PAX9: variants seen among roughly 807,000 people sequenced by gnomAD.
PAX9 encodes paired box protein Pax-9.
Under a neutral mutation model 29.1 loss-of-function variants are expected in PAX9, and 6 were observed. The ratio of observed to expected loss-of-function variants is 0.21; its 90% CI spans 0.11 to 0.41. PAX9 has a LOEUF of 0.41. Among genes scored for constraint, PAX9 ranks in the 10% least tolerant of loss-of-function variants. PAX9 has a pLI of 1.00. For missense variants in PAX9, 443 were observed against 479.1 expected (o/e 0.92, Z 0.70); for synonymous variants, 217 against 211.7 (o/e 1.03, Z -0.22).
chr14:36,669,096 A>C (rs1881614171), intron 3 of PAX9, among the ~76,000 whole-genome samples: 1 of 152,200 alleles, frequency 6.6e-6, no homozygotes, highest in African/African-American at 2.4e-5. Context: ...AAAGTTTCTA[A>C]GAATAATATA....
Position 36,661,954 on chromosome 14 carries a change from C to T in PAX9, c.-136C>T, listed in dbSNP as rs1319702852. ...CTTTTACTTCTTCCTTTTGCCCTCT[C>T]GCCTCCTCCTCCTGGGAAGAAGCGG... On this transcript the variant is annotated 5_prime_UTR_variant, in exon 1 of 4. Transcript: ENST00000361487. 5.8e-6 allele frequency: 6 copies of T among 1,043,192 alleles called. No individual in the cohort carries two copies. The highest frequency in any genetic ancestry group is 4.0e-5 in the Admixed American group (2 of 50,004). The allele number at this position is 1,043,192 out of a possible 1,614,324, so 64.6% of individuals were successfully genotyped here. A position where few individuals can be genotyped will look rare whatever the true frequency, so the allele number is the denominator to read the frequency against.
In PAX9 at chr14:36,678,766, T is replaced by G. The variant is rs1430857987; in HGVS notation, c.*2314T>G. On this transcript the variant is annotated 3_prime_UTR_variant, in exon 4 of 4. Transcript: ENST00000361487. ...ATAATTTTTTTCTGGTTCTTGTATT[T>G]TAAAAAATCTAATATTAATGGTATT... The G allele has an allele frequency of 4.3e-5, 47 of 1,092,040 alleles. No homozygotes were observed. Among genetic ancestry groups the G allele is most frequent in the Non-Finnish European group, 4.9e-5 (44 of 890,700 alleles). The allele number at this position is 1,092,040 out of a possible 1,614,324, so 67.6% of individuals were successfully genotyped here. A position where few individuals can be genotyped will look rare whatever the true frequency, so the allele number is the denominator to read the frequency against.
upstream of PAX9, among the ~76,000 whole-genome samples, chr14:36,658,392 C>T (rs1291474936): frequency 6.6e-6 from 1 of 150,486 alleles, no homozygotes; most frequent in African/African-American, 2.5e-5. Flanking sequence ...GGGGTCCTGT[C>T]CCCAGCAGGG....
In PAX9 at chr14:36,666,570, G is replaced by A. The variant is rs1881500861; in HGVS notation, c.740G>A (p.Gly247Glu). 6.4e-7 allele frequency: 1 copy of A among 1,574,704 alleles called. No individual in the cohort carries two copies. The highest frequency in any genetic ancestry group is 8.6e-7 in the Non-Finnish European group (1 of 1,159,906). ...CACGCGGTGAACGGGTTGGAGAAGGGAGCCCTGGAGCAGGAAGCCAAGTAC... is the reference window on the plus strand; with the variant it reads ...CACGCGGTGAACGGGTTGGAGAAGGAAGCCCTGGAGCAGGAAGCCAAGTAC... ...APHAVNGLEK[G>E]ALEQEAKYGQ... Residue 247 changes from glycine (G) to glutamate (E), a missense_variant, in exon 3 of 4, where the codon GGA becomes GAA. By Grantham distance (98) the Gly-to-Glu change is moderately conservative. This residue lies in a region of PAX9 where 336 missense variants were observed against 317.2 expected (regional missense o/e 1.06). Coordinates refer to ENST00000361487, the MANE Select transcript of PAX9 (RefSeq NM_001372076.1).
At chr14:36,664,912 G>C (rs1052524288) in intron 2 of PAX9, among the ~76,000 whole-genome samples, 1 of 152,092 alleles carries the variant, frequency 6.6e-6, no homozygotes, top group Non-Finnish European at 1.5e-5. Context: ...GAGAGAGTTT[G>C]CCCTTGATTT....
chr14:36,666,671 A>G, intron 3 of PAX9, 70 bp downstream of exon 3: 1 of 1,528,516 alleles, frequency 6.5e-7, no homozygotes, highest in Non-Finnish European at 8.9e-7. Flanking sequence ...ACACTTTGTG[A>G]TGGGTCCCTT....
chr14:36,662,870 C>T (rs765341982), intron 1 of PAX9, 27 bp from the exon 2 acceptor site: 1 of 1,598,576 alleles, frequency 6.3e-7, no homozygotes, highest in Non-Finnish European at 8.5e-7. Context: ...GGTGCGCGTC[C>T]CTGCGCGCTG....
At chr14:36,662,811 C>A in intron 1 of PAX9, 86 bp from the exon 2 acceptor site, 1 of 1,521,594 alleles carries the variant, frequency 6.6e-7, no homozygotes, top group Admixed American at 1.7e-5. Flanking sequence ...TTCGCCCAGT[C>A]CCCGGATGCG....
Position 36,676,529 on chromosome 14 carries a change from A to G in PAX9, c.*77A>G. ...TCCTCCCCCAATTCCCAGGTCTCACATCCCACCCCTCCTGCCCTCCAACCC... is the reference window on the plus strand; with the variant it reads ...TCCTCCCCCAATTCCCAGGTCTCACGTCCCACCCCTCCTGCCCTCCAACCC... On this transcript the variant is annotated 3_prime_UTR_variant, in exon 4 of 4. Coordinates refer to ENST00000361487, the MANE Select transcript of PAX9 (RefSeq NM_001372076.1). 1 of 1,538,098 alleles carries G rather than the reference A, an allele frequency of 6.5e-7. No homozygotes were observed. The highest frequency in any genetic ancestry group is 8.9e-7 in the Non-Finnish European group (1 of 1,129,584).
Position 36,679,322 on chromosome 14 carries a change from T to TTA in PAX9, c.*2873_*2874dup, listed in dbSNP as rs1882078641. 1.0e-6 allele frequency: 1 copy of TTA among 971,972 alleles called. No individual in the cohort carries two copies. The highest frequency in any genetic ancestry group is 1.8e-5 in the African/African-American group (1 of 56,880). The allele number at this position is 971,972 out of a possible 1,614,324, so 60.2% of individuals were successfully genotyped here. On this transcript the variant is annotated 3_prime_UTR_variant, in exon 4 of 4. Coordinates refer to ENST00000361487, the MANE Select transcript of PAX9 (RefSeq NM_001372076.1). ...ACAGTATGTCAAAAGCCTTTTATTT[T>TTA]TATACTTCAAATGCTCTAAATTAAT...
At chr14:36,674,550 G>A (rs1163324995) in intron 3 of PAX9, among the ~76,000 whole-genome samples, 1 of 152,096 alleles carries the variant, frequency 6.6e-6, no homozygotes, top group Non-Finnish European at 1.5e-5. Flanking sequence ...TCATTCTCTG[G>A]GACCCTTAAA....
At chr14:36,668,323 A>G (rs780425353) in intron 3 of PAX9, among the ~76,000 whole-genome samples, 7 of 152,114 alleles carry the variant, frequency 4.6e-5, no homozygotes, top group South Asian at 2.1e-4. Context: ...TAATTCCCAC[A>G]TGTCATTGAT....
rs190459237 is a variant in PAX9 at position 36,672,392 on chromosome 14, T to C, written c.772-3806T>C. Among the ~76,000 whole-genome samples, 343 of 152,334 alleles carry C rather than the reference T, an allele frequency of 2.3e-3. 1 individual carries two copies. The highest frequency in any genetic ancestry group is 4.1e-3 in the Non-Finnish European group (277 of 68,022). On this transcript the variant is annotated intron_variant, in intron 3 of 3. Coordinates refer to ENST00000361487, the MANE Select transcript of PAX9 (RefSeq NM_001372076.1). The stretch of plus-strand genomic sequence containing the variant: ...ACGTTTAAGTCATGTACTCTTTTAC[T>C]GGAAAGAATAAACAAACATCAATGC...
Position 36,676,290 on chromosome 14 carries a change from C to G in PAX9, c.864C>G (p.Thr288=). 6.2e-7 allele frequency: 1 copy of G among 1,614,214 alleles called. No homozygotes were observed. The highest frequency in any genetic ancestry group is 8.5e-7 in the Non-Finnish European group (1 of 1,180,042). ...PTPAQVSPYM[T]YSAAPSGYVA... ...CAGCCCAAGTGTCGCCTTACATGAC[C>G]TACAGTGCTGCTCCTTCTGGTTATG... Residue 288 remains threonine (T), a synonymous_variant, in exon 4 of 4, where the codon ACC becomes ACG. Transcript: ENST00000361487.
intron 3 of PAX9, among the ~76,000 whole-genome samples, chr14:36,674,419 A>G (rs1881807652): frequency 1.3e-5 from 2 of 152,200 alleles, no homozygotes; most frequent in Admixed American, 1.3e-4. Context: ...TGGCTTGCCA[A>G]TTGGTTGAGG....
intron 3 of PAX9, chr14:36,671,116 G>A: frequency 2.4e-6 from 1 of 409,128 alleles, no homozygotes; most frequent in Non-Finnish European, 4.8e-6. Context: ...TCTATTTGTG[G>A]CTAAATCTAC....
intron 1 of PAX9, 140 bp downstream of exon 1, chr14:36,662,233 C>G (rs974392700): frequency 3.9e-6 from 4 of 1,014,178 alleles, no homozygotes; most frequent in Non-Finnish European, 5.6e-6. Context: ...CGTGTTCCTA[C>G]AAGTTGTAGG....
chr14:36,674,889 A>G (rs1237512333), intron 3 of PAX9, among the ~76,000 whole-genome samples: 3 of 152,202 alleles, frequency 2.0e-5, no homozygotes, highest in Non-Finnish European at 4.4e-5. Context: ...CCACGTATGT[A>G]TTCTATTCCA....
chr14:36,661,071 A>G (rs896899810), upstream of PAX9, among the ~76,000 whole-genome samples: 2 of 152,242 alleles, frequency 1.3e-5, no homozygotes, highest in Non-Finnish European at 2.9e-5. Context: ...CAGTGGCTGA[A>G]TGTGGCAGAG....
Sources: allele counts gnomAD v4.1 joint callset (sites outside exome capture counted in the v4.1 genomes callset), GRCh38; gene constraint gnomAD v4.1.1; regional missense constraint gnomAD v4.1.1; transcripts MANE v1.5; gene names NCBI Gene and HGNC (gene_info 2026-07-23, HGNC 2026-07-21).